Variants in ART1 observed in about 807,000 individuals in gnomAD.
The protein encoded by ART1 is ADP-ribosyltransferase 1.
ART1 carries 29 observed loss-of-function variants against 27.0 expected under a neutral mutation model. The ratio of observed to expected loss-of-function variants is 1.08; its 90% CI spans 0.80 to 1.47. ART1 has a LOEUF of 1.47. ART1 is among the 40% of genes most tolerant of loss of function. ART1 has a pLI of 0.00. For missense variants in ART1, 480 were observed against 423.0 expected, an observed-to-expected ratio of 1.13 and a Z score of -1.18; for synonymous variants, 201 against 172.2, an observed-to-expected ratio of 1.17 and a Z score of -1.31.
intron 1 of ART1, among the ~76,000 whole-genome samples, chr11:3,655,130 G>A (rs1030701195): frequency 1.3e-5 from 2 of 152,172 alleles, no homozygotes; most frequent in Non-Finnish European, 2.9e-5. Flanking sequence ...GCTCAGCTGG[G>A]GTCTTCCTTG....
At chr11:3,660,429 TG>T in intron 3 of ART1, 66 bp downstream of exon 3, 12 of 1,525,034 alleles carry the variant, frequency 7.9e-6, no homozygotes, top group Non-Finnish European at 1.1e-5. Context: ...CCAGGGACTT[TG>T]GCAAACCGAA....
intron 1 of ART1, among the ~76,000 whole-genome samples, chr11:3,653,521 C>A (rs1434286516): frequency 6.6e-6 from 1 of 151,856 alleles, no homozygotes; most frequent in Non-Finnish European, 1.5e-5. Flanking sequence ...CGGACCCACC[C>A]TTATCTCCCT....
intron 4 of ART1, among the ~76,000 whole-genome samples, chr11:3,663,075 C>CATCAT (rs2077633415): frequency 1.1e-5 from 1 of 91,762 alleles, no homozygotes; most frequent in Admixed American, 1.1e-4. Context: ...CATCTCATCT[C>CATCAT]ATCATCTCAT....
intron 1 of ART1, among the ~76,000 whole-genome samples, chr11:3,650,173 G>T (rs575210934): frequency 6.6e-6 from 1 of 152,244 alleles, no homozygotes; most frequent in African/African-American, 2.4e-5. Context: ...AGCTGCCAGG[G>T]GTTCCTCCAG....
chr11:3,661,684 G>C (rs956877597), intron 4 of ART1, among the ~76,000 whole-genome samples: 6 of 152,048 alleles, frequency 3.9e-5, no homozygotes, highest in African/African-American at 1.4e-4. Flanking sequence ...TTTTAGTAGA[G>C]ATGGGGTTTC....
intron 1 of ART1, among the ~76,000 whole-genome samples, chr11:3,656,658 A>AT (rs942313120): frequency 1.1e-4 from 17 of 151,798 alleles, no homozygotes; most frequent in Non-Finnish European, 1.8e-4. Flanking sequence ...GTCCGGATGT[A>AT]TTTTTTTATT....
At chr11:3,657,449 C>A (rs1218396429) in intron 1 of ART1, among the ~76,000 whole-genome samples, 1 of 152,090 alleles carries the variant, frequency 6.6e-6, no homozygotes, top group Non-Finnish European at 1.5e-5. Flanking sequence ...GTGATGTGTG[C>A]CTGTACTCCC....
intron 1 of ART1, among the ~76,000 whole-genome samples, chr11:3,651,574 CTGCGT>C (rs1191007474): frequency 6.6e-6 from 1 of 150,818 alleles, no homozygotes. Flanking sequence ...GCCCTCATGT[CTGCGT>C]GCAGCGGCTG....
intron 1 of ART1, among the ~76,000 whole-genome samples, chr11:3,653,324 A>C (rs1323212172): frequency 6.7e-6 from 1 of 148,452 alleles, no homozygotes; most frequent in Non-Finnish European, 1.5e-5. Flanking sequence ...ATGACATTCC[A>C]CCACAAAAGA....
chr11:3,664,109 C>T lies in ART1; in HGVS notation c.904C>T (p.Leu302Phe). The change falls in exon 5 of 5, where the codon CTC (leucine) becomes TTC (phenylalanine). Residue 302 changes from leucine (L) to phenylalanine (F), a missense_variant. Leu to Phe is a conservative substitution (Grantham distance 22, BLOSUM62 0). Coordinates refer to ENST00000250693, the MANE Select transcript of ART1 (RefSeq NM_004314.3). ...CCCTGCAGCCATGGGTCAGAGCCCC[C>T]TCTCTGCAGTCTGGTCTTTGCTGCT... ...LDNSAMGQSPLSAVWSLLLLL... is the reference protein window; with the variant it reads ...LDNSAMGQSPFSAVWSLLLLL... 6.2e-7 allele frequency: 1 copy of T among 1,614,046 alleles called. No individual in the cohort carries two copies. The highest frequency in any genetic ancestry group is 8.5e-7 in the Non-Finnish European group (1 of 1,180,026).
In ART1 at chr11:3,659,800, C is replaced by T; in HGVS notation, c.281C>T (p.Pro94Leu). The change falls in exon 3 of 5, where the codon CCA becomes CTA. Residue 94 changes from proline (P) to leucine (L), a missense_variant. Pro to Leu is a moderately conservative substitution (Grantham distance 98, BLOSUM62 -3). Transcript: ENST00000250693. The part of the protein sequence containing the change: ...SQWQERQARW[P>L]EWSLSPTRPS... Reference sequence around the variant, plus strand: ...TGGCAGGAGCGTCAGGCCAGGTGGCCAGAGTGGAGTCTCAGCCCCACCCGT... The same window carrying T: ...TGGCAGGAGCGTCAGGCCAGGTGGCTAGAGTGGAGTCTCAGCCCCACCCGT... 6.2e-7 allele frequency: 1 copy of T among 1,612,860 alleles called. No homozygotes were observed. Among genetic ancestry groups the T allele is most frequent in the South Asian group, 1.1e-5 (1 of 91,020 alleles).
rs1165761438 is a variant in ART1 at position 3,660,153 on chromosome 11, C to A, written c.634C>A (p.Gln212Lys). The change falls in exon 3 of 5, where the codon CAG becomes AAG. Residue 212 changes from glutamine (Q) to lysine (K), a missense_variant. Gln to Lys is a moderately conservative substitution (Grantham distance 53, BLOSUM62 1). Coordinates refer to ENST00000250693, the MANE Select transcript of ART1 (RefSeq NM_004314.3). Reference sequence around the variant, plus strand: ...CTCCCTGAAGCATGTTGCAGCCCAGCAGTTTGGTGAGGACACCTTCTTCGG... The same window carrying A: ...CTCCCTGAAGCATGTTGCAGCCCAGAAGTTTGGTGAGGACACCTTCTTCGG... ...SASLKHVAAQ[Q>K]FGEDTFFGIW... is the part of the protein sequence containing the mutation. 2 of 1,613,894 alleles carry A rather than the reference C, an allele frequency of 1.2e-6. No homozygotes were observed. The highest frequency in any genetic ancestry group is 2.2e-5 in the South Asian group (2 of 91,090).
chr11:3,660,198 G>T lies in ART1; in HGVS notation c.679G>T (p.Ala227Ser), dbSNP rs748952979. ...TFFGIWTCLG[A>S]PIKGYSFFPG... ...CTTCGGCATCTGGACCTGCCTTGGGGCCCCTATCAAGGGCTACTCCTTCTT... is the reference window on the plus strand; with the variant it reads ...CTTCGGCATCTGGACCTGCCTTGGGTCCCCTATCAAGGGCTACTCCTTCTT... Residue 227 changes from alanine (A) to serine (S), a missense_variant, in exon 3 of 5, where the codon GCC becomes TCC. Coordinates refer to ENST00000250693, the MANE Select transcript of ART1 (RefSeq NM_004314.3). 62 of 1,613,912 alleles carry T rather than the reference G, an allele frequency of 3.8e-5. No individual in the cohort carries two copies. The Admixed American group carries it at 5.7e-4, about 15-fold the overall frequency.
At position 3,659,244 on chromosome 11, in the gene ART1, C is replaced by T; in HGVS notation, c.31C>T (p.Leu11Phe). MQMPAMMSLL[L>F]VSVGLMEALQ... Reference sequence around the variant, plus strand: ...GATGCCTGCTATGATGTCTCTGCTTCTTGTGTCTGTGGGCCTCATGGAAGC... The same window carrying T: ...GATGCCTGCTATGATGTCTCTGCTTTTTGTGTCTGTGGGCCTCATGGAAGC... Residue 11 changes from leucine to phenylalanine, a missense_variant, in exon 2 of 5, where the codon CTT (leucine) becomes TTT (phenylalanine). Leu to Phe is a conservative substitution (Grantham distance 22, BLOSUM62 0). Transcript: ENST00000250693. 1 of 1,614,198 alleles carries T rather than the reference C, an allele frequency of 6.2e-7. No homozygotes were observed. Among genetic ancestry groups the T allele is most frequent in the East Asian group, 2.2e-5 (1 of 44,884 alleles).
In ART1 at chr11:3,659,919, GC is replaced by G; in HGVS notation, c.402del (p.Val135CysfsTer24). On this transcript the variant is annotated frameshift_variant, in exon 3 of 5. Transcript: ENST00000250693. LOFTEE classifies it high-confidence loss of function. ...CCCCCTGCACAAGGAGTTCAATGCA[GC>G]CGTGCGTGAGGCGGGCCGCTCCCGG... ...NSPLHKEFNA[A>X]VREAGRSRAH... The G allele has an allele frequency of 6.2e-7, 1 of 1,613,220 alleles. No individual in the cohort carries two copies. The highest frequency in any genetic ancestry group is 8.5e-7 in the Non-Finnish European group (1 of 1,179,646).
intron 1 of ART1, among the ~76,000 whole-genome samples, chr11:3,652,528 C>T (rs1391244413): frequency 6.6e-6 from 1 of 152,134 alleles, no homozygotes. Flanking sequence ...TACCACTTTC[C>T]CTTCTCAGAA....
chr11:3,649,659 C>T (rs1440748514), intron 1 of ART1, among the ~76,000 whole-genome samples: 1 of 152,216 alleles, frequency 6.6e-6, no homozygotes, highest in African/African-American at 2.4e-5. Context: ...TTATCACCTC[C>T]CCTCCTCACA....
At chr11:3,661,490 C>CTTTTTTTT (rs530856927) in intron 4 of ART1, 77 bp downstream of exon 4, 61 of 320,428 alleles carry the variant, frequency 1.9e-4, no homozygotes, top group South Asian at 3.7e-4. Context: ...TCACCTCGAT[C>CTTTTTTTT]TTTTTTTTTT....
rs1340846266 is a variant in ART1 at position 3,659,814 on chromosome 11, A to G, written c.295A>G (p.Ser99Gly). ...GGCCAGGTGGCCAGAGTGGAGTCTC[A>G]GCCCCACCCGTCCATCCCCGCCACC... ...RQARWPEWSL[S>G]PTRPSPPPLG... is the part of the protein sequence containing the mutation. The change falls in exon 3 of 5, where the codon AGC becomes GGC. Residue 99 changes from serine to glycine, a missense_variant. Coordinates refer to ENST00000250693, the MANE Select transcript of ART1 (RefSeq NM_004314.3). The G allele has an allele frequency of 1.9e-6, 3 of 1,612,158 alleles. No individual in the cohort carries two copies. The highest frequency in any genetic ancestry group is 2.5e-6 in the Non-Finnish European group (3 of 1,179,500).
Sources: allele counts gnomAD v4.1 joint callset (sites outside exome capture counted in the v4.1 genomes callset), GRCh38; gene constraint gnomAD v4.1.1; transcripts MANE v1.5; gene names NCBI Gene and HGNC (gene_info 2026-07-23, HGNC 2026-07-21).